NIPAL4: variants seen among roughly 807,000 people sequenced by gnomAD.
NIPAL4 encodes the protein magnesium transporter NIPA4.
Under a neutral mutation model 31.6 loss-of-function variants are expected in NIPAL4, and 21 were observed. The ratio of observed to expected loss-of-function variants is 0.67; its 90% confidence interval spans 0.47 to 0.96. The LOEUF (loss-of-function observed/expected upper bound fraction) is 0.96, where lower values mean the gene tolerates loss of function less well. Among genes scored for constraint, NIPAL4 ranks in the 40% least tolerant of loss-of-function variants. NIPAL4 has a pLI of 0.00. For synonymous variants in NIPAL4, 175 were observed against 211.1 expected, an observed-to-expected ratio of 0.83 and a Z score of 1.48; for missense variants, 438 against 508.0, an observed-to-expected ratio of 0.86 and a Z score of 1.32.
chr5:157,468,847 T>C, intron 4 of NIPAL4, 35 bp downstream of exon 4: 1 of 1,418,024 alleles, frequency 7.1e-7, no homozygotes, highest in Non-Finnish European at 9.7e-7. Context: ...TCTTTTTCTA[T>C]TCCGTTTTCA....
rs1754152457 is a variant in NIPAL4, at chr5:157,463,114, T to G, written c.58T>G (p.Cys20Gly). The G allele has an allele frequency of 6.2e-7, 1 of 1,614,020 alleles. No individual in the cohort carries two copies. Among genetic ancestry groups the G allele is most frequent in the Non-Finnish European group, 8.5e-7 (1 of 1,179,880 alleles). ...TCCAGGTTCCCTGCTCCACCTCTAC[T>G]GCTCCTCCCAAGAAGTCCTGTGCCA... is the stretch of plus-strand genomic sequence containing the variant. Reference protein sequence around the residue: ...CENGSLLHLYCSSQEVLCQIV... With the variant: ...CENGSLLHLYGSSQEVLCQIV... Residue 20 changes from cysteine to glycine, a missense_variant, in exon 2 of 6, where the codon TGC becomes GGC. Physicochemically the swap from Cys to Gly is radical, Grantham distance 159. Coordinates refer to ENST00000311946, the MANE Select transcript of NIPAL4 (RefSeq NM_001099287.2).
rs78563550 is a variant in NIPAL4 at position 157,469,093 on chromosome 5, T to C, written c.425+281T>C. On this transcript the variant is annotated intron_variant, in intron 4 of 5. Coordinates refer to ENST00000311946, the MANE Select transcript of NIPAL4 (RefSeq NM_001099287.2). ...AGGGTGAACGGCGCATGTCACTATT[T>C]TGGTGCCGTGATAGATGCAGCATAC... Among the ~76,000 whole-genome samples, 11,507 of 152,244 alleles carry C rather than the reference T, an allele frequency of 0.076. 603 individuals are homozygous for C. The highest frequency in any genetic ancestry group is 0.19 in the South Asian group (935 of 4,822).
rs776065887 is a variant in NIPAL4, at chr5:157,472,627, G to T, written c.882G>T (p.Val294=). Residue 294 remains valine (V), a synonymous_variant, in exon 6 of 6, where the codon GTG becomes GTT. Transcript: ENST00000311946. ...RALDIFNTSL[V]FPIYYVFFTT... Reference sequence around the variant, plus strand: ...TGGACATTTTCAACACTTCCCTGGTGTTCCCCATCTACTACGTGTTCTTCA... The same window carrying T: ...TGGACATTTTCAACACTTCCCTGGTTTTCCCCATCTACTACGTGTTCTTCA... The T allele has an allele frequency of 6.2e-7, 1 of 1,613,870 alleles. No homozygotes were observed. The highest frequency in any genetic ancestry group is 8.5e-7 in the Non-Finnish European group (1 of 1,179,876).
At chr5:157,470,560 T>C (rs1321758512) in intron 4 of NIPAL4, among the ~76,000 whole-genome samples, 1 of 152,208 alleles carries the variant, frequency 6.6e-6, no homozygotes, top group African/African-American at 2.4e-5. Flanking sequence ...AGTTATGAGA[T>C]GCTAGTGTGA....
Position 157,472,850 on chromosome 5 carries a change from G to C in NIPAL4, c.1105G>C (p.Glu369Gln). The stretch of plus-strand genomic sequence containing the variant: ...AAACCCACCCCCTTCTCCCGCCCCG[G>C]AACCCACTGTTATTAGACTGGAAGA... ...HKNPPPSPAP[E>Q]PTVIRLEDKN... Residue 369 changes from glutamate (E) to glutamine (Q), a missense_variant, in exon 6 of 6, where the codon GAA becomes CAA. Transcript: ENST00000311946. 3 of 1,581,942 alleles carry C rather than the reference G, an allele frequency of 1.9e-6. No individual in the cohort carries two copies. The South Asian group carries it at 3.5e-5, about 19-fold the overall frequency.
chr5:157,464,096 C>A (rs1353367195), intron 2 of NIPAL4, among the ~76,000 whole-genome samples: 1 of 151,960 alleles, frequency 6.6e-6, no homozygotes, highest in Non-Finnish European at 1.5e-5. Context: ...AAAGCCCAGA[C>A]TTGGGGGATT....
intron 1 of NIPAL4, among the ~76,000 whole-genome samples, chr5:157,462,767 G>A (rs1270686349): frequency 6.6e-6 from 1 of 152,224 alleles, no homozygotes; most frequent in Non-Finnish European, 1.5e-5. Context: ...CAGAGCAGAG[G>A]ACCATGTGAG....
rs538201905 is a variant in NIPAL4 at position 157,468,686 on chromosome 5, C to T, written c.335-36C>T. ...GTCTGGAATGGAGATGGTGCTTCTG[C>T]GCCATGCTAGCCTCTTTTCTCCCTT... On this transcript the variant is annotated intron_variant, in intron 3 of 5. Coordinates refer to ENST00000311946, the MANE Select transcript of NIPAL4 (RefSeq NM_001099287.2). The T allele has an allele frequency of 1.1e-4, 138 of 1,223,608 alleles. No individual in the cohort carries two copies. In the South Asian group the frequency reaches 1.4e-3, roughly 12 times the overall value. 75.8% of individuals were successfully genotyped at this position (1,223,608 alleles called of 1,614,324 possible). A position where few individuals can be genotyped will look rare whatever the true frequency, so the allele number is the denominator to read the frequency against.
Position 157,472,766 on chromosome 5 carries a change from A to C in NIPAL4, c.1021A>C (p.Met341Leu), listed in dbSNP as rs376218035. ...TGTCACCATCATCTTGGGCGTGTTCATGCTGCATGCTTTCAAAGACCTGGA... is the reference window on the plus strand; with the variant it reads ...TGTCACCATCATCTTGGGCGTGTTCCTGCTGCATGCTTTCAAAGACCTGGA... ...GFVTIILGVFMLHAFKDLDIS... is the reference protein window; with the variant it reads ...GFVTIILGVFLLHAFKDLDIS... Residue 341 changes from methionine to leucine, a missense_variant, in exon 6 of 6, where the codon ATG (methionine) becomes CTG (leucine). Met to Leu is a conservative substitution (Grantham distance 15). Transcript: ENST00000311946. The C allele has an allele frequency of 9.9e-6, 16 of 1,611,406 alleles. No individual in the cohort carries two copies. Among genetic ancestry groups the C allele is most frequent in the Middle Eastern group, 3.3e-4 (2 of 6,072 alleles).
In NIPAL4 at chr5:157,464,468, G is replaced by C. The variant is rs1471816523; in HGVS notation, c.277+1135G>C. Among the ~76,000 whole-genome samples, 7 of 152,176 alleles carry C rather than the reference G, an allele frequency of 4.6e-5. No individual in the cohort carries two copies. In the East Asian group the frequency reaches 1.3e-3, roughly 29 times the overall value. ...GAAGAACGGATTAGGGGACAAGCCT[G>C]GAGCCTGGGAAACCAAGTAGGTGAG... On this transcript the variant is annotated intron_variant, in intron 2 of 5. Coordinates refer to ENST00000311946, the MANE Select transcript of NIPAL4 (RefSeq NM_001099287.2).
At chr5:157,471,071 G>A (rs1230398773) in intron 4 of NIPAL4, among the ~76,000 whole-genome samples, 1 of 152,220 alleles carries the variant, frequency 6.6e-6, no homozygotes, top group African/African-American at 2.4e-5. Context: ...GGGGCAGTGG[G>A]AAGCACAGAT....
At chr5:157,461,540 C>A (rs954805755) in intron 1 of NIPAL4, among the ~76,000 whole-genome samples, 3 of 152,228 alleles carry the variant, frequency 2.0e-5, no homozygotes, top group African/African-American at 7.2e-5. Context: ...CATGTTCTCC[C>A]AGGTTCTGGC....
intron 2 of NIPAL4, among the ~76,000 whole-genome samples, chr5:157,464,548 G>A (rs1356386486): frequency 6.6e-6 from 1 of 152,122 alleles, no homozygotes; most frequent in Non-Finnish European, 1.5e-5. Flanking sequence ...GACAACTGGT[G>A]GATTCCAAAG....
intron 1 of NIPAL4, among the ~76,000 whole-genome samples, chr5:157,461,828 G>GA (rs894058214): frequency 5.6e-4 from 85 of 152,298 alleles, no homozygotes; most frequent in Non-Finnish European, 2.8e-4. Context: ...AGTTTCCCCA[G>GA]AAAAAATAAG....
intron 2 of NIPAL4, among the ~76,000 whole-genome samples, chr5:157,464,982 T>C (rs574510654): frequency 5.3e-5 from 8 of 152,166 alleles, no homozygotes; most frequent in Non-Finnish European, 1.2e-4. Flanking sequence ...AGCACTAGTA[T>C]TGGTATTACT....
intron 3 of NIPAL4, 141 bp from the exon 4 acceptor site, chr5:157,468,581 T>C: frequency 1.5e-6 from 1 of 648,572 alleles, no homozygotes; most frequent in Admixed American, 2.3e-5. Flanking sequence ...GATCAGACTC[T>C]CCAGGGAGAG....
At chr5:157,460,514 G>A (rs752097085) in intron 1 of NIPAL4, 157 bp downstream of exon 1, 3 of 769,916 alleles carry the variant, frequency 3.9e-6, no homozygotes, top group Non-Finnish European at 4.5e-6. Context: ...TGAAGATCTG[G>A]GTTCTGGCTG....
In NIPAL4 at chr5:157,463,451, T is replaced by C. The variant is rs1754166982; in HGVS notation, c.277+118T>C. On this transcript the variant is annotated intron_variant, in intron 2 of 5. Coordinates refer to ENST00000311946, the MANE Select transcript of NIPAL4 (RefSeq NM_001099287.2). ...TACAAAAGGCTCATTGTCAACCCTA[T>C]CTGGAATCCCACCTGCCAACAGGGT... is the stretch of plus-strand genomic sequence containing the variant. The C allele has an allele frequency of 2.5e-6, 3 of 1,217,836 alleles. No homozygotes were observed. In the South Asian group the frequency reaches 5.0e-5, roughly 20 times the overall value. 75.4% of individuals were successfully genotyped at this position (1,217,836 alleles called of 1,614,324 possible).
At chr5:157,468,056 C>A (rs1406485127) in intron 3 of NIPAL4, 1 of 151,838 alleles carries the variant, frequency 6.6e-6, no homozygotes, top group Non-Finnish European at 1.5e-5. Flanking sequence ...AGGCATGCAC[C>A]ACCACGCCTG....
Sources: allele counts gnomAD v4.1 joint callset (sites outside exome capture counted in the v4.1 genomes callset), GRCh38; gene constraint gnomAD v4.1.1; transcripts MANE v1.5; gene names NCBI Gene and HGNC (gene_info 2026-07-23, HGNC 2026-07-21).